AGAP3: variants seen among roughly 807,000 people sequenced by gnomAD.
AGAP3 encodes the protein ArfGAP with GTPase domain, ankyrin repeat and PH domain 3.
In AGAP3, 24 loss-of-function variants were observed where a neutral mutation model predicts 96.9. That is an observed-to-expected ratio of 0.25 (90% CI 0.18 to 0.35). The LOEUF (loss-of-function observed/expected upper bound fraction) is 0.35, where lower values mean the gene tolerates loss of function less well. Ranked by LOEUF, AGAP3 falls within the 10% of genes least tolerant of loss-of-function variation. The probability of loss-of-function intolerance (pLI) is 1.00; values close to 1 mark genes in which losing one functional copy is unlikely to be tolerated. For synonymous variants in AGAP3, 563 were observed against 536.1 expected (o/e 1.05, Z -0.69); for missense variants, 876 against 1,254.2 (o/e 0.70, Z 4.55).
intron 1 of AGAP3, among the ~76,000 whole-genome samples, chr7:151,089,326 C>T (rs1051754683): frequency 6.6e-6 from 1 of 152,178 alleles, no homozygotes. Context: ...TTTCCGAGCA[C>T]AGTCTGAGGC....
chr7:151,117,405 C>T lies in AGAP3; in HGVS notation c.513C>T (p.Gly171=), dbSNP rs1187729243. ...TTAAGAAGGAGATTGTGGTGGATGGCCAGAGTTACCTGCTGCTGATCCGAG... is the reference window on the plus strand; with the variant it reads ...TTAAGAAGGAGATTGTGGTGGATGGTCAGAGTTACCTGCTGCTGATCCGAG... ...GRFKKEIVVD[G]QSYLLLIRDE... The change falls in exon 4 of 18, where the codon GGC becomes GGT. Residue 171 remains glycine (G), a synonymous_variant. Coordinates refer to ENST00000397238, the MANE Select transcript of AGAP3 (RefSeq NM_031946.7). 1.2e-6 allele frequency: 2 copies of T among 1,614,070 alleles called. No homozygotes were observed. The highest frequency in any genetic ancestry group is 1.7e-5 in the Admixed American group (1 of 60,014).
chr7:151,104,912 G>A (rs902004361), intron 1 of AGAP3, among the ~76,000 whole-genome samples: 4 of 152,196 alleles, frequency 2.6e-5, no homozygotes, highest in African/African-American at 7.2e-5. Context: ...CCAGGCCACC[G>A]GAGCAAGCTA....
rs1258119183 is a variant in AGAP3 at position 151,143,931 on chromosome 7, T to C, written c.2724T>C (p.Pro908=). ...TNPSAELHRS[P]SLL Reference sequence around the variant, plus strand: ...CCTCTGCTGAGCTGCACCGTAGTCCTAGCCTCCTATAAGGCCCAGGAAGAG... The same window carrying C: ...CCTCTGCTGAGCTGCACCGTAGTCCCAGCCTCCTATAAGGCCCAGGAAGAG... Residue 908 remains proline (P), a synonymous_variant, in exon 18 of 18, where the codon CCT becomes CCC. Coordinates refer to ENST00000397238, the MANE Select transcript of AGAP3 (RefSeq NM_031946.7). This position sits in a 1 kb window ranked among gnomAD's most constrained non-coding sequence, Gnocchi z 5.9. 6.2e-7 allele frequency: 1 copy of C among 1,613,956 alleles called. No homozygotes were observed.
rs1385493828 is a variant in AGAP3, at chr7:151,142,590, G to C, written c.2229G>C (p.Glu743Asp). The C allele has an allele frequency of 6.2e-7, 1 of 1,613,410 alleles. No homozygotes were observed. The highest frequency in any genetic ancestry group is 1.1e-5 in the South Asian group (1 of 91,078). ...ATGCCCTCGCCAACAGCGTCTGGGA[G>C]GGGGCCTTGGGTGGCTACTCCAAGC... The part of the protein sequence containing the change: ...MGNALANSVW[E>D]GALGGYSKPG... The change falls in exon 16 of 18, where the codon GAG (glutamate) becomes GAC (aspartate). Residue 743 changes from glutamate to aspartate, a missense_variant. Physicochemically the swap from Glu to Asp is conservative, Grantham distance 45 (BLOSUM62 2). Coordinates refer to ENST00000397238, the MANE Select transcript of AGAP3 (RefSeq NM_031946.7). The surrounding 1 kb of genome is among the most constrained non-coding windows in gnomAD (Gnocchi z 7.5).
At chr7:151,131,331 C>T (rs777725926) in intron 10 of AGAP3, 4 of 152,366 alleles carry the variant, frequency 2.6e-5, no homozygotes, top group Non-Finnish European at 5.9e-5. Flanking sequence ...GGCTTAATCA[C>T]ACATCTTAAT....
intron 10 of AGAP3, among the ~76,000 whole-genome samples, chr7:151,130,535 T>G (rs1247955236): frequency 6.6e-6 from 1 of 151,880 alleles, no homozygotes; most frequent in Non-Finnish European, 1.5e-5. Context: ...TGTTGTCAAG[T>G]AAGGAGGGAG....
At chr7:151,122,956 G>T in intron 8 of AGAP3, 1 of 1,435,936 alleles carries the variant, frequency 7.0e-7, no homozygotes, top group Non-Finnish European at 9.1e-7. Flanking sequence ...GGCTAGGAGC[G>T]CCGGAGCCCG....
At chr7:151,089,375 G>A (rs893662223) in intron 1 of AGAP3, among the ~76,000 whole-genome samples, 5 of 152,142 alleles carry the variant, frequency 3.3e-5, no homozygotes, top group Non-Finnish European at 7.3e-5. Flanking sequence ...GCCCCAGGGC[G>A]GAACAGACCT....
In AGAP3 at chr7:151,117,080, C is replaced by A; in HGVS notation, c.391-15C>A. 1 of 1,612,352 alleles carries A rather than the reference C, an allele frequency of 6.2e-7. No individual in the cohort carries two copies. The highest frequency in any genetic ancestry group is 8.5e-7 in the Non-Finnish European group (1 of 1,178,838). Reference sequence around the variant, plus strand: ...CCTCTGCCCTCTGACCCACTCACCCCTTCCTCTCCCGCAGGGCATAGTGGG... The same window carrying A: ...CCTCTGCCCTCTGACCCACTCACCCATTCCTCTCCCGCAGGGCATAGTGGG... On this transcript the variant is annotated splice_polypyrimidine_tract_variant and intron_variant, in intron 2 of 17. Coordinates refer to ENST00000397238, the MANE Select transcript of AGAP3 (RefSeq NM_031946.7).
Position 151,086,831 on chromosome 7 carries a change from C to CAGGG in AGAP3, c.90_91insAGGG (p.Val31ArgfsTer100), listed in dbSNP as rs1798172344. On this transcript the variant is annotated frameshift_variant, in exon 1 of 18. Transcript: ENST00000397238. LOFTEE classifies it high-confidence loss of function. ...GCGGCGGCGCTGCCGCGCAGCAGCTCGTCTGCGGCGGGCAGTTCGGCGGCG... is the reference window on the plus strand; with the variant it reads ...GCGGCGGCGCTGCCGCGCAGCAGCTCAGGGGTCTGCGGCGGGCAGTTCGGCGGCG... 2 of 808,758 alleles carry CAGGG rather than the reference C, an allele frequency of 2.5e-6. No homozygotes were observed. Among genetic ancestry groups the CAGGG allele is most frequent in the Admixed American group, 9.6e-4 (1 of 1,046 alleles). 50.1% of individuals were successfully genotyped at this position (808,758 alleles called of 1,614,324 possible).
intron 10 of AGAP3, among the ~76,000 whole-genome samples, chr7:151,132,554 C>T (rs1800441405): frequency 6.6e-6 from 1 of 152,190 alleles, no homozygotes; most frequent in South Asian, 2.1e-4. Flanking sequence ...GGGCTGTCTG[C>T]CTGGGAAGAT....
At chr7:151,128,278 A>G (rs1373043651) in intron 9 of AGAP3, 4 of 387,012 alleles carry the variant, frequency 1.0e-5, no homozygotes, top group African/African-American at 8.1e-5. Context: ...CCGACGGTCT[A>G]CACCCCTGAC....
Position 151,138,151 on chromosome 7 carries a change from C to A in AGAP3, c.1504C>A (p.His502Asn), listed in dbSNP as rs537491993. 1.3e-5 allele frequency: 21 copies of A among 1,598,466 alleles called. 1 individual carries two copies. The African/African-American group carries it at 2.1e-4, about 16-fold the overall frequency. ...ACCCTTCCCGCCCCCAGGTGCCCCCCACTCGGCCAGCAGCGCATCCCTGCA... is the reference window on the plus strand; with the variant it reads ...ACCCTTCCCGCCCCCAGGTGCCCCCAACTCGGCCAGCAGCGCATCCCTGCA... ...TQLGGGTGAP[H>N]SASSASLHSE... Residue 502 changes from histidine (H) to asparagine (N), a missense_variant, in exon 12 of 18, where the codon CAC becomes AAC. His to Asn is a moderately conservative substitution (Grantham distance 68, BLOSUM62 1). Coordinates refer to ENST00000397238, the MANE Select transcript of AGAP3 (RefSeq NM_031946.7).
intron 8 of AGAP3, among the ~76,000 whole-genome samples, chr7:151,121,920 T>C (rs1407967827): frequency 1.3e-5 from 2 of 152,236 alleles, no homozygotes; most frequent in Non-Finnish European, 2.9e-5. Context: ...GGCGAGCCCC[T>C]GTGTCCTGCC....
intron 10 of AGAP3, among the ~76,000 whole-genome samples, 196 bp downstream of exon 10, chr7:151,128,880 C>G (rs975152781): frequency 7.9e-5 from 12 of 152,222 alleles, no homozygotes; most frequent in Non-Finnish European, 1.2e-4. Context: ...CCTCCCTTGC[C>G]CTCTGGGCGG....
In AGAP3 at chr7:151,127,155, G is replaced by A. The variant is rs148623256; in HGVS notation, c.1222-1425G>A. 7.7e-3 allele frequency among the ~76,000 whole-genome samples: 1,178 copies of A among 152,286 alleles called. 7 individuals carry two copies. The highest frequency in any genetic ancestry group is 0.013 in the African/African-American group (533 of 41,554). On this transcript the variant is annotated intron_variant, in intron 9 of 17. Transcript: ENST00000397238. ...CCATCTAGGAGTTAGCCTTCTATTA[G>A]GAAGAACTTAGAGGAGGAAGGTGCA...
chr7:151,104,033 T>C (rs897237463), intron 1 of AGAP3, among the ~76,000 whole-genome samples: 1 of 152,160 alleles, frequency 6.6e-6, no homozygotes, highest in African/African-American at 2.4e-5. Flanking sequence ...GTCTCTCCAA[T>C]GTGAAGGTTC....
At chr7:151,087,172 G>GA (rs748486880) in intron 1 of AGAP3, 100 bp downstream of exon 1, 33 of 1,314,962 alleles carry the variant, frequency 2.5e-5, no homozygotes, top group Non-Finnish European at 3.4e-5. Flanking sequence ...TCCCTGTCGG[G>GA]GGTCCTTGCG....
intron 1 of AGAP3, 177 bp from the exon 2 acceptor site, chr7:151,116,613 CAAG>C (rs1799595412): frequency 1.5e-6 from 1 of 666,160 alleles, no homozygotes; most frequent in Non-Finnish European, 2.7e-6. Flanking sequence ...CTGCTTCACT[CAAG>C]AAGAACCTTC....
Sources: gnomAD v4.1 joint callset for allele counts (sites outside exome capture counted in the v4.1 genomes callset) on GRCh38, gnomAD v4.1.1 for gene constraint, Gnocchi (gnomAD v3.1) non-coding constraint, MANE v1.5 for transcripts, NCBI Gene and HGNC (gene_info 2026-07-23, HGNC 2026-07-21) for gene names.